Variants in TVP23C observed in about 807,000 individuals in gnomAD.
TVP23C encodes trans-golgi network vesicle protein 23 homolog C, also known as Golgi apparatus membrane protein TVP23 homolog C.
A neutral mutation model predicts 28.7 loss-of-function variants in TVP23C; 19 were observed. The observed-to-expected ratio is 0.66, with a 90% confidence interval of 0.46 to 0.97. TVP23C has a LOEUF of 0.97. TVP23C is among the 50% of genes least tolerant of loss of function. The pLI is 0.00. For synonymous variants in TVP23C, 68 were observed against 81.7 expected (o/e 0.83, Z 0.90); for missense variants, 186 against 241.3 (o/e 0.77, Z 1.52).
At chr17:15,551,564 T>C (rs1437375509) in intron 3 of TVP23C, among the ~76,000 whole-genome samples, 2 of 152,164 alleles carry the variant, frequency 1.3e-5, no homozygotes, top group Non-Finnish European at 1.5e-5. Flanking sequence ...TAACATCACC[T>C]AGGGCAAGCC....
At position 15,540,398 on chromosome 17, in the gene TVP23C, GCATTA is replaced by G. The variant is rs2150848546; in HGVS notation, c.*9_*13del. Reference sequence around the variant, plus strand: ...TAAACTATGAAAGTTAGAAATAATTGCATTAGTCACTGATCACATCCAGAAAACAC... The same window carrying G: ...TAAACTATGAAAGTTAGAAATAATTGGTCACTGATCACATCCAGAAAACAC... On this transcript the variant is annotated 3_prime_UTR_variant, in exon 6 of 6. Coordinates refer to ENST00000518321, the MANE Select transcript of TVP23C (RefSeq NM_001135036.2). 1 of 1,573,842 alleles carries G rather than the reference GCATTA, an allele frequency of 6.4e-7. No homozygotes were observed. The highest frequency in any genetic ancestry group is 1.4e-5 in the African/African-American group (1 of 71,628).
rs7359511 is a variant in TVP23C at position 15,537,685 on chromosome 17, T to C, written c.*2727A>G. On this transcript the variant is annotated 3_prime_UTR_variant, in exon 6 of 6. Transcript: ENST00000518321. ...TAAGCCAAAGTGCTCACTCTTACCA[T>C]AGAAGCAAAACTTTCTCCTGAAAAC... 6 of 986,010 alleles carry C rather than the reference T, an allele frequency of 6.1e-6. No individual in the cohort carries two copies. The highest frequency in any genetic ancestry group is 1.1e-4 in the East Asian group (1 of 8,988). The allele number at this position is 986,010 out of a possible 1,614,324, so 61.1% of individuals were successfully genotyped here. A position where few individuals can be genotyped will look rare whatever the true frequency, so the allele number is the denominator to read the frequency against.
intron 3 of TVP23C, among the ~76,000 whole-genome samples, chr17:15,551,806 GA>G (rs1222287512): frequency 2.5e-4 from 38 of 152,246 alleles, no homozygotes; most frequent in Admixed American, 6.5e-4. Context: ...GATGAAGATT[GA>G]TTTTTTGTTT....
Position 15,545,806 on chromosome 17 carries a change from G to T in TVP23C, c.441C>A (p.Phe147Leu), listed in dbSNP as rs751346797. Residue 147 changes from phenylalanine (F) to leucine (L), a missense_variant, in exon 5 of 6, where the codon TTC (phenylalanine) becomes TTA (leucine). By Grantham distance (22) the Phe-to-Leu change is conservative (BLOSUM62 0). This residue lies in a region of TVP23C where 74 missense variants were observed against 96.0 expected (regional missense o/e 0.77). Transcript: ENST00000518321. ...LWVIFAFSALFSFTVKWLAVV... is the reference protein window; with the variant it reads ...LWVIFAFSALLSFTVKWLAVV... ...TCACCAGCCACTTTACTGTGAAGGA[G>T]AAGAGTGCACTAAAGGCAAATATCA... The T allele has an allele frequency of 3.7e-5, 60 of 1,613,730 alleles. 2 individuals carry two copies. In the South Asian group the frequency reaches 6.4e-4, roughly 17 times the overall value.
downstream of TVP23C, among the ~76,000 whole-genome samples, chr17:15,532,330 T>C (rs181459434): frequency 1.7e-4 from 26 of 152,340 alleles, no homozygotes; most frequent in Non-Finnish European, 8.8e-5. Context: ...AGCCCTGTGA[T>C]TGGGACTATT....
At chr17:15,535,318 T>G (rs1983111678), downstream of TVP23C, among the ~76,000 whole-genome samples, 1 of 151,226 alleles carries the variant, frequency 6.6e-6, no homozygotes, top group Admixed American at 6.6e-5. Flanking sequence ...ATCATTAAAA[T>G]GCCATGCACT....
chr17:15,525,409 T>C (rs950387782), intron 5 of TVP23C, among the ~76,000 whole-genome samples: 1 of 152,250 alleles, frequency 6.6e-6, no homozygotes, highest in African/African-American at 2.4e-5. Context: ...AGCTATTTTA[T>C]AGATGTGGCT....
chr17:15,517,027 T>C (rs1451909298), intron 5 of TVP23C, among the ~76,000 whole-genome samples: 2 of 152,140 alleles, frequency 1.3e-5, no homozygotes. Context: ...ATCAGTCAGT[T>C]CTCTTGCTGA....
At chr17:15,514,049 G>A (rs111544549) in intron 5 of TVP23C, among the ~76,000 whole-genome samples, 30 of 152,340 alleles carry the variant, frequency 2.0e-4, no homozygotes, top group Non-Finnish European at 4.0e-4. Context: ...ACGCTTCCAA[G>A]AGAACGTTCT....
chr17:15,551,994 C>A (rs1332825126), intron 3 of TVP23C, among the ~76,000 whole-genome samples: 1 of 152,048 alleles, frequency 6.6e-6, no homozygotes, highest in Non-Finnish European at 1.5e-5. Context: ...TAAAAGGGTG[C>A]CATTTTTTAA....
At chr17:15,555,483 G>A in intron 1 of TVP23C, 119 bp from the exon 2 acceptor site, 3 of 1,456,312 alleles carry the variant, frequency 2.1e-6, no homozygotes, top group Non-Finnish European at 1.9e-6. Context: ...TACAGCATCA[G>A]GAATTCAAAA....
At chr17:15,540,614 C>T in intron 5 of TVP23C, 53 bp from the exon 6 acceptor site, 5 of 1,582,644 alleles carry the variant, frequency 3.2e-6, no homozygotes, top group Non-Finnish European at 4.3e-6. Flanking sequence ...ATTGACCTTT[C>T]TCTGTGCCAT....
chr17:15,502,658 C>G, exon 6 of TVP23C: 1 of 862,928 alleles, frequency 1.2e-6, no homozygotes, highest in South Asian at 2.7e-5. Flanking sequence ...GCTGCTGCCT[C>G]TCTTCTGCCC....
intron 5 of TVP23C, among the ~76,000 whole-genome samples, chr17:15,527,062 C>A (rs1290866942): frequency 4.6e-5 from 7 of 152,194 alleles, no homozygotes. Flanking sequence ...TGTTATCTGA[C>A]CTTCCAAGAA....
intron 5 of TVP23C, among the ~76,000 whole-genome samples, chr17:15,504,158 C>T (rs1035195909): frequency 1.3e-5 from 2 of 152,192 alleles, no homozygotes; most frequent in Non-Finnish European, 2.9e-5. Flanking sequence ...ACCCACTAGA[C>T]AGCCCAGGAA....
rs185307924 is a variant in TVP23C, at chr17:15,503,835, C to G, written c.463-603G>C. On this transcript the variant is annotated intron_variant, in intron 5 of 5. Transcript: ENST00000225576. ...CAGGCCACCGAAGTTCTATCCCAAA[C>G]AGAAGGAAGCTCTTGTAGGATGGTG... Among the ~76,000 whole-genome samples the G allele has an allele frequency of 3.7e-3, 559 of 151,902 alleles. 6 individuals carry two copies. Among genetic ancestry groups the G allele is most frequent in the Admixed American group, 0.016 (240 of 15,266 alleles).
intron 3 of TVP23C, among the ~76,000 whole-genome samples, chr17:15,552,556 T>A (rs1983941872): frequency 6.6e-6 from 1 of 151,752 alleles, no homozygotes; most frequent in Admixed American, 6.6e-5. Context: ...TGGTGGTGCA[T>A]GCCTGTAATC....
chr17:15,519,637 G>A (rs540896927), intron 5 of TVP23C, among the ~76,000 whole-genome samples: 10 of 152,260 alleles, frequency 6.6e-5, no homozygotes, highest in South Asian at 4.1e-4. Context: ...GTGGCCAGGC[G>A]CGGTGGCTCA....
chr17:15,542,312 G>A lies in TVP23C; in HGVS notation c.463-1751C>T, dbSNP rs796534736. Among the ~76,000 whole-genome samples the A allele has an allele frequency of 1.2e-4, 18 of 152,288 alleles. No homozygotes were observed. The South Asian group carries it at 2.5e-3, about 21-fold the overall frequency. Reference sequence around the variant, plus strand: ...TGCAGCTGGCCATAGTGGTGCCACCGGGTGGGAAGAAGGCAGGAGACGAAG... The same window carrying A: ...TGCAGCTGGCCATAGTGGTGCCACCAGGTGGGAAGAAGGCAGGAGACGAAG... On this transcript the variant is annotated intron_variant, in intron 5 of 5. Transcript: ENST00000518321.
Sources: allele counts gnomAD v4.1 joint callset (sites outside exome capture counted in the v4.1 genomes callset), GRCh38; gene constraint gnomAD v4.1.1; regional missense constraint gnomAD v4.1.1; transcripts MANE v1.5; gene names NCBI Gene and HGNC (gene_info 2026-07-23, HGNC 2026-07-21).